The following TOR1AIP2 variants were observed in gnomAD, a reference collection of about 807,000 sequenced individuals.
TOR1AIP2 encodes the protein torsin-1A-interacting protein 2.
A neutral mutation model predicts 32.6 loss-of-function variants in TOR1AIP2; 20 were observed. That is an observed-to-expected ratio of 0.61 (90% CI 0.43 to 0.89). The LOEUF (loss-of-function observed/expected upper bound fraction) is 0.89. TOR1AIP2 is among the 40% of genes least tolerant of loss of function. TOR1AIP2 has a pLI of 0.00. For missense variants in TOR1AIP2, 456 were observed against 553.8 expected (o/e 0.82, Z 1.77); for synonymous variants, 214 against 210.8 (o/e 1.02, Z -0.13).
At chr1:179,859,137 G>A in intron 3 of TOR1AIP2, 1 of 985,300 alleles carries the variant, frequency 1.0e-6, no homozygotes. Context: ...CCTGAAACAA[G>A]TAGTTACAAT....
intron 2 of TOR1AIP2, among the ~76,000 whole-genome samples, chr1:179,866,469 A>G (rs535502398): frequency 2.6e-5 from 4 of 152,158 alleles, no homozygotes; most frequent in East Asian, 1.9e-4. Context: ...CTGGAGTGCA[A>G]TGGCACAATC....
In TOR1AIP2 at chr1:179,851,218, A is replaced by G; in HGVS notation, c.180T>C (p.Gly60=). Residue 60 remains glycine, a synonymous_variant, in exon 5 of 7, where the codon GGT becomes GGC. Transcript: ENST00000609928. ...SKDHQEVETE[G]PESADTGDKS... is the part of the protein sequence containing the mutation. The stretch of plus-strand genomic sequence containing the variant: ...TATCACCTGTATCTGCACTTTCTGG[A>G]CCTTCTGTCTCTACCTCTTGGTGGT... 1 of 1,612,678 alleles carries G rather than the reference A, an allele frequency of 6.2e-7. No individual in the cohort carries two copies. Among genetic ancestry groups the G allele is most frequent in the Non-Finnish European group, 8.5e-7 (1 of 1,179,686 alleles).
chr1:179,849,479 C>T (rs902348939), intron 5 of TOR1AIP2, among the ~76,000 whole-genome samples: 3 of 152,212 alleles, frequency 2.0e-5, no homozygotes, highest in Non-Finnish European at 1.5e-5. Context: ...CAGCCTTGGC[C>T]TCCCAAAGTG....
chr1:179,850,044 G>T (rs1696057048), intron 5 of TOR1AIP2, among the ~76,000 whole-genome samples: 1 of 152,192 alleles, frequency 6.6e-6, no homozygotes, highest in African/African-American at 2.4e-5. Context: ...CTGGCAAATG[G>T]GCATTTCAGA....
intron 4 of TOR1AIP2, 83 bp downstream of exon 4, chr1:179,852,549 T>A (rs1696155300): frequency 1.4e-6 from 2 of 1,444,412 alleles, no homozygotes; most frequent in Non-Finnish European, 1.9e-6. Context: ...AAACCTCAGA[T>A]TTTAGTCATC....
At chr1:179,853,521 TAA>T (rs1696191481) in intron 3 of TOR1AIP2, among the ~76,000 whole-genome samples, 1 of 152,178 alleles carries the variant, frequency 6.6e-6, no homozygotes, top group Non-Finnish European at 1.5e-5. Context: ...AATTGATCAA[TAA>T]AGTTACTTAA....
intron 6 of TOR1AIP2, 80 bp from the exon 7 acceptor site, chr1:179,846,908 G>T: frequency 6.9e-7 from 1 of 1,451,138 alleles, no homozygotes. Flanking sequence ...CTGAAATGAG[G>T]CAGAGATACC....
intron 3 of TOR1AIP2, chr1:179,863,120 G>A (rs1438588906): frequency 5.1e-6 from 2 of 391,768 alleles, no homozygotes; most frequent in Non-Finnish European, 3.5e-6. Flanking sequence ...CAGCTACTCG[G>A]GAGGCTGAGG....
chr1:179,860,035 T>G (rs1485823699), intron 3 of TOR1AIP2: 1 of 737,312 alleles, frequency 1.4e-6, no homozygotes, highest in African/African-American at 1.9e-5. Context: ...TTTGTAGAGT[T>G]GGGGGTCTCA....
intron 3 of TOR1AIP2, chr1:179,861,456 A>G (rs1360242488): frequency 4.1e-6 from 4 of 985,238 alleles, no homozygotes; most frequent in East Asian, 2.3e-4. Flanking sequence ...AGCTTATCAT[A>G]TAACAGGTAT....
At chr1:179,855,692 T>TCA (rs1696271610) in intron 3 of TOR1AIP2, among the ~76,000 whole-genome samples, 2 of 152,190 alleles carry the variant, frequency 1.3e-5, no homozygotes, top group South Asian at 4.1e-4. Context: ...TTTAGACGTA[T>TCA]AATAGAGAAT....
At chr1:179,871,975 T>C (rs1460720784) in intron 2 of TOR1AIP2, among the ~76,000 whole-genome samples, 1 of 152,218 alleles carries the variant, frequency 6.6e-6, no homozygotes, top group Non-Finnish European at 1.5e-5. Flanking sequence ...GAAACTACTT[T>C]TAATTTGGCA....
rs1192453753 is a variant in TOR1AIP2 at position 179,843,352 on chromosome 1, A to C, written c.*2719T>G. 1 of 151,694 alleles carries C rather than the reference A, an allele frequency of 6.6e-6. No individual in the cohort carries two copies. Among genetic ancestry groups the C allele is most frequent in the African/African-American group, 2.4e-5 (1 of 41,268 alleles). 9.4% of individuals were successfully genotyped at this position (151,694 alleles called of 1,614,324 possible). ...AAAACCTCGTCTCTATTAAAAATAC[A>C]ATAATTAGCTGGGCATTGTGGTGCA... is the stretch of plus-strand genomic sequence containing the variant. On this transcript the variant is annotated 3_prime_UTR_variant, in exon 7 of 7. Coordinates refer to ENST00000609928, the MANE Select transcript of TOR1AIP2 (RefSeq NM_001199260.2).
At chr1:179,868,413 A>T in intron 2 of TOR1AIP2, 1 of 152,230 alleles carries the variant, frequency 6.6e-6, no homozygotes, top group South Asian at 2.1e-4. Context: ...TGAATAAATG[A>T]CAAAAATAAA....
chr1:179,847,360 G>A (rs916391780), intron 6 of TOR1AIP2, among the ~76,000 whole-genome samples, 175 bp downstream of exon 6: 1 of 152,116 alleles, frequency 6.6e-6, no homozygotes, highest in Non-Finnish European at 1.5e-5. Context: ...GCACCCGTAA[G>A]GGAAAAATCC....
chr1:179,877,055 T>G (rs1647382268), intron 2 of TOR1AIP2, among the ~76,000 whole-genome samples, 184 bp downstream of exon 2: 1 of 152,092 alleles, frequency 6.6e-6, no homozygotes, highest in African/African-American at 2.4e-5. Flanking sequence ...CTAGGCATGT[T>G]GGGAATGGAG....
intron 3 of TOR1AIP2, among the ~76,000 whole-genome samples, chr1:179,853,689 T>C (rs1696198148): frequency 6.6e-6 from 1 of 152,212 alleles, no homozygotes; most frequent in Non-Finnish European, 1.5e-5. Context: ...TACTCTTTTG[T>C]AAAATTTAAA....
chr1:179,870,769 C>G (rs76507366), intron 2 of TOR1AIP2, among the ~76,000 whole-genome samples: 1 of 152,336 alleles, frequency 6.6e-6, no homozygotes, highest in Non-Finnish European at 1.5e-5. Context: ...TTGGAAAGAT[C>G]TGGATATCCT....
At chr1:179,866,072 A>G (rs1696758274) in intron 2 of TOR1AIP2, among the ~76,000 whole-genome samples, 1 of 152,166 alleles carries the variant, frequency 6.6e-6, no homozygotes, top group Non-Finnish European at 1.5e-5. Flanking sequence ...ATTTCTTAGG[A>G]CTATATTTCT....
Sources: allele counts gnomAD v4.1 joint callset (sites outside exome capture counted in the v4.1 genomes callset), GRCh38; gene constraint gnomAD v4.1.1; transcripts MANE v1.5; gene names NCBI Gene and HGNC (gene_info 2026-07-23, HGNC 2026-07-21).